TRUB2: variants seen among roughly 807,000 people sequenced by gnomAD.
The protein encoded by TRUB2 is pseudouridylate synthase TRUB2, mitochondrial.
Under a neutral mutation model 31.9 loss-of-function variants are expected in TRUB2, and 31 were observed. The ratio of observed to expected loss-of-function variants is 0.97; its 90% CI spans 0.73 to 1.31. The LOEUF is 1.31. Among genes scored for constraint, TRUB2 ranks in the 50% most tolerant of loss-of-function variants. The pLI, the probability that TRUB2 is intolerant of heterozygous loss-of-function variation, is 0.00. For missense variants in TRUB2, 451 were observed against 439.6 expected (o/e 1.03, Z -0.23); for synonymous variants, 201 against 182.6 (o/e 1.10, Z -0.81).
At chr9:128,311,052 G>A (rs773888568) in intron 6 of TRUB2, 29 bp from the exon 7 acceptor site, 2 of 1,566,944 alleles carry the variant, frequency 1.3e-6, no homozygotes, top group Non-Finnish European at 1.7e-6. Context: ...GCTGCAGCTG[G>A]GTGGCCCACC....
intron 2 of TRUB2, among the ~76,000 whole-genome samples, chr9:128,317,549 A>T (rs1832090945): frequency 6.6e-6 from 1 of 152,188 alleles, no homozygotes; most frequent in African/African-American, 2.4e-5. Context: ...TCCCTGGAGG[A>T]AAATGGAGGC....
intron 5 of TRUB2, 28 bp downstream of exon 5, chr9:128,313,780 G>C: frequency 8.7e-6 from 14 of 1,607,680 alleles, no homozygotes; most frequent in Non-Finnish European, 1.2e-5. Flanking sequence ...TGCGGAGGGA[G>C]GCAGCGGCAG....
intron 7 of TRUB2, among the ~76,000 whole-genome samples, chr9:128,310,217 C>T (rs905157180): frequency 2.2e-4 from 33 of 151,902 alleles, no homozygotes; most frequent in Admixed American, 3.3e-4. Context: ...CCTCAGCCTC[C>T]GGAGTAGCTG....
At position 128,310,956 on chromosome 9, in the gene TRUB2, T is replaced by A; in HGVS notation, c.601A>T (p.Met201Leu). The change falls in exon 7 of 8, where the codon ATG (methionine) becomes TTG (leucine). Residue 201 changes from methionine (M) to leucine (L), a missense_variant. Met to Leu is a conservative substitution (Grantham distance 15, BLOSUM62 2). Coordinates refer to ENST00000372890, the MANE Select transcript of TRUB2 (RefSeq NM_015679.3). ...GTTATCAGCATCGGGGACTTGTTCA[T>A]GGGCCGGATCAGGCCTCTCACGGCC... ...EMAVRGLIRP[M>L]NKSPMLITGI... 3 of 1,614,254 alleles carry A rather than the reference T, an allele frequency of 1.9e-6. No homozygotes were observed. In the South Asian group the frequency reaches 3.3e-5, roughly 18 times the overall value.
At chr9:128,310,611 G>A (rs1256374722) in intron 7 of TRUB2, among the ~76,000 whole-genome samples, 1 of 151,978 alleles carries the variant, frequency 6.6e-6, no homozygotes, top group African/African-American at 2.4e-5. Flanking sequence ...CTGGAAATAA[G>A]CCACTAAATA....
intron 7 of TRUB2, among the ~76,000 whole-genome samples, chr9:128,310,155 G>A (rs1356160566): frequency 2.0e-5 from 3 of 151,952 alleles, no homozygotes; most frequent in East Asian, 1.9e-4. Context: ...GTGCAGTGGT[G>A]TGATAACAGA....
At chr9:128,311,974 T>G (rs571769775) in intron 5 of TRUB2, among the ~76,000 whole-genome samples, 2 of 151,364 alleles carry the variant, frequency 1.3e-5, no homozygotes, top group East Asian at 3.9e-4. Context: ...TAGCTGGGAC[T>G]ACAGGCGCCC....
At chr9:128,317,348 A>T (rs774260729) in intron 2 of TRUB2, 122 bp from the exon 3 acceptor site, 1 of 842,410 alleles carries the variant, frequency 1.2e-6, no homozygotes, top group Admixed American at 2.2e-5. Flanking sequence ...ATCAGGCCAG[A>T]CTCTCAGGCT....
Position 128,317,145 on chromosome 9 carries a change from CACCT to C in TRUB2, c.316+3_316+6del, listed in dbSNP as rs1564385144. ...CACTGTACCCCCAGGCTTCTCACAT[CACCT>C]ACCAAGTACTCCAGAAGCCTGGGCA... On this transcript the variant is annotated splice_donor_5th_base_variant and intron_variant, in intron 3 of 7. Coordinates refer to ENST00000372890, the MANE Select transcript of TRUB2 (RefSeq NM_015679.3). 1.3e-6 allele frequency: 2 copies of C among 1,571,746 alleles called. No homozygotes were observed. The highest frequency in any genetic ancestry group is 1.7e-6 in the Non-Finnish European group (2 of 1,156,566).
chr9:128,317,250 A>G, intron 2 of TRUB2, 24 bp from the exon 3 acceptor site: 3 of 1,579,260 alleles, frequency 1.9e-6, no homozygotes, highest in Non-Finnish European at 1.7e-6. Flanking sequence ...AACAAGGTCC[A>G]TTTTCTCAAC....
At chr9:128,313,207 A>ACTC in intron 5 of TRUB2, among the ~76,000 whole-genome samples, 1 of 146,534 alleles carries the variant, frequency 6.8e-6, no homozygotes, top group East Asian at 2.0e-4. Context: ...ACAGAGCGAG[A>ACTC]CATCGTTTCA....
chr9:128,309,639 C>G lies in TRUB2; in HGVS notation c.907G>C (p.Asp303His), dbSNP rs776296366. Reference sequence around the variant, plus strand: ...CCCGGACTGGGGAGCTGCTTGGTGTCCAGCCCCGGGCTCAAGCTCTTCTCC... The same window carrying G: ...CCCGGACTGGGGAGCTGCTTGGTGTGCAGCCCCGGGCTCAAGCTCTTCTCC... ...ELEKSLSPGL[D>H]TKQLPSPGWS... The change falls in exon 8 of 8, where the codon GAC (aspartate) becomes CAC (histidine). Residue 303 changes from aspartate (D) to histidine (H), a missense_variant. Physicochemically the swap from Asp to His is moderately conservative, Grantham distance 81 (BLOSUM62 -1). Coordinates refer to ENST00000372890, the MANE Select transcript of TRUB2 (RefSeq NM_015679.3). 1.2e-6 allele frequency: 2 copies of G among 1,614,072 alleles called. No homozygotes were observed. The highest frequency in any genetic ancestry group is 1.7e-6 in the Non-Finnish European group (2 of 1,180,028).
At chr9:128,310,789 G>GCTGAGCCAGACAACAGTGAC (rs1831953981) in intron 7 of TRUB2, 98 bp downstream of exon 7, 2 of 1,529,228 alleles carry the variant, frequency 1.3e-6, no homozygotes, top group African/African-American at 2.7e-5. Context: ...GCTGGCCTCA[G>GCTGAGCCAGACAACAGTGAC]CTGAGCCAGA....
At chr9:128,321,191 G>GTTTC (rs3051287) in intron 2 of TRUB2, among the ~76,000 whole-genome samples, 50,852 of 151,926 alleles carry the variant, frequency 0.33, 12,216 homozygotes, top group African/African-American at 0.69. Flanking sequence ...GGAACTTTGT[G>GTTTC]TTTTTCTTCC....
chr9:128,315,767 A>C, intron 3 of TRUB2, 139 bp from the exon 4 acceptor site: 1 of 928,416 alleles, frequency 1.1e-6, no homozygotes, highest in Non-Finnish European at 1.7e-6. Context: ...GATCTTCTAC[A>C]GGGGGCAGGT....
intron 5 of TRUB2, among the ~76,000 whole-genome samples, chr9:128,313,255 G>A (rs1387222090): frequency 6.8e-5 from 10 of 146,970 alleles, no homozygotes; most frequent in African/African-American, 1.5e-4. Flanking sequence ...GGCTGGGCGC[G>A]GTGGCTCATG....
rs1832087139 is a variant in TRUB2 at position 128,317,322 on chromosome 9, T to C, written c.242-96A>G. 10 of 1,145,684 alleles carry C rather than the reference T, an allele frequency of 8.7e-6. No individual in the cohort carries two copies. The South Asian group carries it at 1.3e-4, about 15-fold the overall frequency. 71.0% of individuals were successfully genotyped at this position (1,145,684 alleles called of 1,614,324 possible). ...GACCTCGTTCTCAGAATGGGCCTCA[T>C]GGAGCCCAAACTAGCATCAGGCCAG... On this transcript the variant is annotated intron_variant, in intron 2 of 7. Transcript: ENST00000372890.
Position 128,309,384 on chromosome 9 carries a change from T to C in TRUB2, c.*166A>G, listed in dbSNP as rs772214183. The C allele has an allele frequency of 1.4e-6, 1 of 693,936 alleles. No homozygotes were observed. Among genetic ancestry groups the C allele is most frequent in the Non-Finnish European group, 2.4e-6 (1 of 422,898 alleles). The allele number at this position is 693,936 out of a possible 1,614,324, so 43.0% of individuals were successfully genotyped here. On this transcript the variant is annotated 3_prime_UTR_variant, in exon 8 of 8. Transcript: ENST00000372890. ...CTGTCTTTTCCTCCATACAGAAGTT[T>C]TTCCTTCTCAGTTGGGTCAAGTCCA...
chr9:128,311,921 C>T lies in TRUB2; in HGVS notation c.461-320G>A, dbSNP rs531752152. 3.9e-3 allele frequency among the ~76,000 whole-genome samples: 593 copies of T among 150,650 alleles called. 5 individuals carry two copies. The highest frequency in any genetic ancestry group is 0.014 in the African/African-American group (574 of 40,888). On this transcript the variant is annotated intron_variant, in intron 5 of 7. Transcript: ENST00000372890. ...CGCAATCTTGGCTCACTGCAAGCTC[C>T]GCCTCCCAGGTTCATGCCATTCTCC...
Sources: gnomAD v4.1 joint callset for allele counts (sites outside exome capture counted in the v4.1 genomes callset) on GRCh38, gnomAD v4.1.1 for gene constraint, MANE v1.5 for transcripts, NCBI Gene and HGNC (gene_info 2026-07-23, HGNC 2026-07-21) for gene names.